The following EIF3A variants were observed in gnomAD, a reference collection of about 807,000 sequenced individuals.
EIF3A encodes EIF3, p180 subunit.
EIF3A carries 21 observed loss-of-function variants against 186.6 expected under a neutral mutation model. That is an observed-to-expected ratio of 0.11 (90% confidence interval 0.08 to 0.16). EIF3A has a LOEUF of 0.16. EIF3A is among the 10% of genes least tolerant of loss of function. The pLI, the probability that EIF3A is intolerant of heterozygous loss-of-function variation, is 1.00. For synonymous variants in EIF3A, 563 were observed against 584.3 expected (o/e 0.96, Z 0.52); for missense variants, 1,306 against 1,796.3 (o/e 0.73, Z 4.93).
chr10:119,056,539 G>A (rs1322949939), intron 14 of EIF3A, among the ~76,000 whole-genome samples: 2 of 152,138 alleles, frequency 1.3e-5, no homozygotes, highest in African/African-American at 2.4e-5. Flanking sequence ...GGGCTTTTCA[G>A]TTGTCCTTTG....
rs1346291354 is a variant in EIF3A, at chr10:119,058,127, C to T, written c.1806G>A (p.Gln602=). ...EELEQREAEL[Q]KVRKAEEERL... ...TCTCTTCCTCAGCCTTCCGCACTTT[C>T]TGGAGTTCAGCTTCCCTCTGTTCCA... Residue 602 remains glutamine, a synonymous_variant, in exon 12 of 22, where the codon CAG becomes CAA. Transcript: ENST00000369144. 3.7e-6 allele frequency: 6 copies of T among 1,614,048 alleles called. No homozygotes were observed. The highest frequency in any genetic ancestry group is 3.4e-6 in the Non-Finnish European group (4 of 1,180,032).
chr10:119,080,256 G>C, intron 1 of EIF3A: 1 of 954,796 alleles, frequency 1.0e-6, no homozygotes, highest in Non-Finnish European at 1.2e-6. Context: ...GATGGCGGCC[G>C]GGGACGCGGG....
At chr10:119,055,937 T>C (rs912956658) in intron 14 of EIF3A, among the ~76,000 whole-genome samples, 1 of 152,106 alleles carries the variant, frequency 6.6e-6, no homozygotes, top group Non-Finnish European at 1.5e-5. Context: ...TTTTTAATTA[T>C]TTACATGTTA....
At chr10:119,051,956 G>C (rs1353855598) in intron 14 of EIF3A, among the ~76,000 whole-genome samples, 4 of 152,202 alleles carry the variant, frequency 2.6e-5, no homozygotes, top group Admixed American at 6.5e-5. Flanking sequence ...TGCTAGTGGA[G>C]TCTTGCTTCA....
At chr10:119,049,140 T>C (rs1196315771) in intron 17 of EIF3A, among the ~76,000 whole-genome samples, 3 of 152,124 alleles carry the variant, frequency 2.0e-5, no homozygotes, top group Non-Finnish European at 2.9e-5. Context: ...CTTCTGTTCT[T>C]TGGGAAAACT....
intron 5 of EIF3A, 96 bp downstream of exon 5, chr10:119,070,790 A>T: frequency 1.2e-6 from 1 of 835,788 alleles, no homozygotes; most frequent in Non-Finnish European, 2.0e-6. Flanking sequence ...TATTGAAATT[A>T]ACCAATGCAT....
chr10:119,060,038 A>T (rs759481214), intron 9 of EIF3A: 1 of 516,260 alleles, frequency 1.9e-6, no homozygotes, highest in African/African-American at 2.0e-5. Flanking sequence ...TGGCAGCATT[A>T]CTATTTATAG....
intron 14 of EIF3A, among the ~76,000 whole-genome samples, chr10:119,051,826 T>C (rs1277666798): frequency 6.6e-6 from 1 of 152,012 alleles, no homozygotes; most frequent in East Asian, 1.9e-4. Flanking sequence ...AGCCCAGGAG[T>C]GCAAGATCAG....
chr10:119,040,088 A>G (rs1848187700), intron 19 of EIF3A, among the ~76,000 whole-genome samples: 1 of 152,258 alleles, frequency 6.6e-6, no homozygotes, highest in South Asian at 2.1e-4. Flanking sequence ...AAGTGAGACT[A>G]GAAGAGACGA....
intron 17 of EIF3A, among the ~76,000 whole-genome samples, chr10:119,044,813 A>G (rs1228095249): frequency 6.6e-6 from 1 of 152,130 alleles, no homozygotes; most frequent in Non-Finnish European, 1.5e-5. Context: ...ACACTACTGC[A>G]CTCCAGCCTG....
chr10:119,045,336 A>G (rs1848269043), intron 17 of EIF3A, among the ~76,000 whole-genome samples: 1 of 152,250 alleles, frequency 6.6e-6, no homozygotes, highest in South Asian at 2.1e-4. Context: ...GAATGGTCAG[A>G]AAATAAATTC....
intron 6 of EIF3A, among the ~76,000 whole-genome samples, chr10:119,068,594 T>G (rs1268165937): frequency 1.3e-5 from 2 of 152,060 alleles, no homozygotes; most frequent in African/African-American, 2.4e-5. Flanking sequence ...GAGAATTGTT[T>G]GAACCCAGGA....
At chr10:119,046,278 G>T (rs926672056) in intron 17 of EIF3A, among the ~76,000 whole-genome samples, 4 of 152,068 alleles carry the variant, frequency 2.6e-5, no homozygotes, top group Non-Finnish European at 5.9e-5. Context: ...AGAAGCAAAG[G>T]TCTCTATTAT....
chr10:119,061,754 T>G (rs1179172792), intron 7 of EIF3A, among the ~76,000 whole-genome samples: 3 of 152,182 alleles, frequency 2.0e-5, no homozygotes, highest in Non-Finnish European at 4.4e-5. Flanking sequence ...ATATGGTGTA[T>G]TCATAAAATA....
At chr10:119,050,069 G>T in intron 16 of EIF3A, 84 bp from the exon 17 acceptor site, 1 of 1,291,492 alleles carries the variant, frequency 7.7e-7, no homozygotes, top group Non-Finnish European at 1.1e-6. Context: ...GTATTAAACA[G>T]GTAGCATAAT....
chr10:119,061,324 C>A lies in EIF3A; in HGVS notation c.1127G>T (p.Arg376Ile). The change falls in exon 8 of 22, where the codon AGA becomes ATA. Residue 376 changes from arginine (R) to isoleucine (I), a missense_variant. By Grantham distance (97) the Arg-to-Ile change is moderately conservative (BLOSUM62 -3). Around this residue, in one of 8 missense-constraint regions of EIF3A, gnomAD observed 267 missense variants for 367.8 expected, o/e 0.73. Coordinates refer to ENST00000369144, the MANE Select transcript of EIF3A (RefSeq NM_003750.4). The stretch of plus-strand genomic sequence containing the variant: ...GACAACATATTGTAGTACATTAAAT[C>A]TGACCTACAGTAAGCAAAACAAAAG... The part of the protein sequence containing the change: ...TRIGLINDMV[R>I]FNVLQYVVPE... 6.7e-7 allele frequency: 1 copy of A among 1,498,124 alleles called. No individual in the cohort carries two copies. The highest frequency in any genetic ancestry group is 1.2e-5 in the South Asian group (1 of 82,326). 92.8% of individuals were successfully genotyped at this position (1,498,124 alleles called of 1,614,324 possible).
chr10:119,073,478 CTAAG>C lies in EIF3A; in HGVS notation c.336_339del (p.Leu113IlefsTer2). 1 of 1,608,192 alleles carries C rather than the reference CTAAG, an allele frequency of 6.2e-7. No individual in the cohort carries two copies. Among genetic ancestry groups the C allele is most frequent in the Non-Finnish European group, 8.5e-7 (1 of 1,174,790 alleles). On this transcript the variant is annotated frameshift_variant, in exon 3 of 22. Coordinates refer to ENST00000369144, the MANE Select transcript of EIF3A (RefSeq NM_003750.4). LOFTEE classifies it high-confidence loss of function. ...TGAATATTATCTAGATCCTCTATAT[CTAAG>C]ACCATCTGCTGAGATTCTTCTTTAG...
rs1382734389 is a variant in EIF3A, at chr10:119,035,534, T to C, written c.*505A>G. On this transcript the variant is annotated 3_prime_UTR_variant, in exon 22 of 22. Coordinates refer to ENST00000369144, the MANE Select transcript of EIF3A (RefSeq NM_003750.4). ...TTTACTTCAAGTGAATCTAAAAAATTTCTAAATTTAGTTTATGGTAAATAC... is the reference window on the plus strand; with the variant it reads ...TTTACTTCAAGTGAATCTAAAAAATCTCTAAATTTAGTTTATGGTAAATAC... The C allele has an allele frequency of 1.3e-5, 2 of 152,402 alleles. No individual in the cohort carries two copies. 9.4% of individuals were successfully genotyped at this position (152,402 alleles called of 1,614,324 possible).
At chr10:119,053,854 C>T (rs1048457896) in intron 14 of EIF3A, among the ~76,000 whole-genome samples, 5 of 152,222 alleles carry the variant, frequency 3.3e-5, no homozygotes, top group Non-Finnish European at 5.9e-5. Flanking sequence ...GTCATAAAGA[C>T]GGTTTTCCTT....
Sources: allele counts gnomAD v4.1 joint callset (sites outside exome capture counted in the v4.1 genomes callset), GRCh38; gene constraint gnomAD v4.1.1; regional missense constraint gnomAD v4.1.1; transcripts MANE v1.5; gene names NCBI Gene and HGNC (gene_info 2026-07-23, HGNC 2026-07-21).